The following IL11RA variants were observed in gnomAD, a reference collection of about 807,000 sequenced individuals.
The protein encoded by IL11RA is interleukin 11 receptor subunit alpha.
In IL11RA, 51 loss-of-function variants were observed where a neutral mutation model predicts 57.0. The ratio of observed to expected loss-of-function variants is 0.89; its 90% CI spans 0.71 to 1.13. IL11RA has a LOEUF of 1.13. Ranked by LOEUF, IL11RA falls within the 50% of genes most tolerant of loss-of-function variation. IL11RA has a pLI of 0.00. For synonymous variants in IL11RA, 199 were observed against 217.5 expected, an observed-to-expected ratio of 0.91 and a Z score of 0.75; for missense variants, 498 against 539.4, an observed-to-expected ratio of 0.92 and a Z score of 0.76.
In IL11RA at chr9:34,658,789, C is replaced by G. The variant is rs527871352; in HGVS notation, c.810+106C>G. The G allele has an allele frequency of 9.9e-5, 124 of 1,254,064 alleles. No individual in the cohort carries two copies. The Middle Eastern group carries it at 3.8e-3, about 38-fold the overall frequency. The allele number at this position is 1,254,064 out of a possible 1,614,324, so 77.7% of individuals were successfully genotyped here. ...CCAGTGCTGGCAGGTCACTGAAGAC[C>G]CAACACTTCCCTGTGGGCCAGGCTT... On this transcript the variant is annotated intron_variant, in intron 8 of 12. Coordinates refer to ENST00000441545, the MANE Select transcript of IL11RA (RefSeq NM_001142784.3). This position sits in a 1 kb window ranked among gnomAD's most constrained non-coding sequence, Gnocchi z 4.0.
At chr9:34,657,376 C>A (rs544846004) in intron 6 of IL11RA, 41 bp downstream of exon 6, 3 of 1,614,144 alleles carry the variant, frequency 1.9e-6, no homozygotes, top group Non-Finnish European at 2.5e-6. Context: ...AGCTGGGTCC[C>A]ACAGTAGGCA....
At position 34,658,577 on chromosome 9, in the gene IL11RA, G is replaced by A. The variant is rs771094310; in HGVS notation, c.704G>A (p.Arg235His). ...GAGTCAGTACCAGGTTACCCCCGAC[G>A]CCTGCGAGCCAGCTGGACATACCCT... The part of the protein sequence containing the change: ...RVESVPGYPR[R>H]LRASWTYPAS... The change falls in exon 8 of 13, where the codon CGC (arginine) becomes CAC (histidine). Residue 235 changes from arginine to histidine, a missense_variant. Coordinates refer to ENST00000441545, the MANE Select transcript of IL11RA (RefSeq NM_001142784.3). This position sits in a 1 kb window ranked among gnomAD's most constrained non-coding sequence, Gnocchi z 4.0. 6.2e-6 allele frequency: 10 copies of A among 1,613,976 alleles called. No homozygotes were observed. The South Asian group carries it at 9.9e-5, about 16-fold the overall frequency.
intron 8 of IL11RA, 132 bp from the exon 9 acceptor site, chr9:34,659,627 C>A: frequency 9.1e-7 from 1 of 1,095,934 alleles, no homozygotes; most frequent in East Asian, 2.4e-5. Context: ...CCACCAGACA[C>A]CCAACATGAG....
rs569145357 is a variant in IL11RA at position 34,657,446 on chromosome 9, C to T, written c.505C>T (p.Pro169Ser). The T allele has an allele frequency of 6.2e-7, 1 of 1,614,064 alleles. No homozygotes were observed. The highest frequency in any genetic ancestry group is 8.5e-7 in the Non-Finnish European group (1 of 1,180,020). Residue 169 changes from proline to serine, a missense_variant, in exon 7 of 13, where the codon CCA (proline) becomes TCA (serine). Pro to Ser is a moderately conservative substitution (Grantham distance 74, BLOSUM62 -1). Coordinates refer to ENST00000441545, the MANE Select transcript of IL11RA (RefSeq NM_001142784.3). ...QRRSPSTGPW[P>S]CPQDPLGAAR... ...GAGGAGTCCATCCACAGGGCCCTGG[C>T]CATGCCCACAGGATCCCCTAGGGGC...
intron 8 of IL11RA, 22 bp from the exon 9 acceptor site, chr9:34,659,737 A>G (rs1452047748): frequency 1.2e-6 from 2 of 1,613,966 alleles, no homozygotes; most frequent in East Asian, 4.5e-5. Flanking sequence ...GCTGGGTAAC[A>G]GTGAGTCATG....
Position 34,660,176 on chromosome 9 carries a change from G to A in IL11RA, c.953-98G>A, listed in dbSNP as rs1018283903. 24 of 1,572,382 alleles carry A rather than the reference G, an allele frequency of 1.5e-5. 1 individual carries two copies. Among genetic ancestry groups the A allele is most frequent in the Non-Finnish European group, 1.7e-5 (20 of 1,143,576 alleles). ...TGCCCTATCAGGCTCCTCCTCCTAG[G>A]TACCTTGACTTCCAACCTAGGCCTT... is the stretch of plus-strand genomic sequence containing the variant. On this transcript the variant is annotated intron_variant, in intron 9 of 12. Transcript: ENST00000441545.
Position 34,656,729 on chromosome 9 carries a change from T to A in IL11RA, c.162-10T>A. ...TGTCTTTGTCCATTGTCACCTCATC[T>A]CACTTCCAGGGACCCAGTGTCCTGG... On this transcript the variant is annotated splice_polypyrimidine_tract_variant and intron_variant, in intron 3 of 12. Coordinates refer to ENST00000441545, the MANE Select transcript of IL11RA (RefSeq NM_001142784.3). 6.2e-7 allele frequency: 1 copy of A among 1,614,154 alleles called. No individual in the cohort carries two copies. The highest frequency in any genetic ancestry group is 2.2e-5 in the East Asian group (1 of 44,884).
rs981696559 is a variant in IL11RA, at chr9:34,658,984, G to C, written c.810+301G>C. Among the ~76,000 whole-genome samples the C allele has an allele frequency of 2.0e-5, 3 of 152,092 alleles. No homozygotes were observed. Among genetic ancestry groups the C allele is most frequent in the African/African-American group, 7.2e-5 (3 of 41,416 alleles). ...CTGTCACCTAGGCTGGAGTGCAGTG[G>C]TGCAATCTCGGCTAACTGCAACCTC... On this transcript the variant is annotated intron_variant, in intron 8 of 12. Coordinates refer to ENST00000441545, the MANE Select transcript of IL11RA (RefSeq NM_001142784.3). This position sits in a 1 kb window ranked among gnomAD's most constrained non-coding sequence, Gnocchi z 4.0.
At chr9:34,659,620 C>A in intron 8 of IL11RA, 139 bp from the exon 9 acceptor site, 1 of 1,026,754 alleles carries the variant, frequency 9.7e-7, no homozygotes, top group Non-Finnish European at 1.5e-6. Flanking sequence ...CTCAGCTCCA[C>A]CAGACACCCA....
chr9:34,661,593 C>G lies in IL11RA; in HGVS notation c.*95C>G. On this transcript the variant is annotated 3_prime_UTR_variant, in exon 13 of 13. Coordinates refer to ENST00000441545, the MANE Select transcript of IL11RA (RefSeq NM_001142784.3). Reference sequence around the variant, plus strand: ...GGACAGTAGATCCCTATGGTTGGATCTCAGCTGGAAGTTCTGTTTGGAGCC... The same window carrying G: ...GGACAGTAGATCCCTATGGTTGGATGTCAGCTGGAAGTTCTGTTTGGAGCC... 7.5e-7 allele frequency: 1 copy of G among 1,341,120 alleles called. No individual in the cohort carries two copies. Among genetic ancestry groups the G allele is most frequent in the South Asian group, 1.2e-5 (1 of 85,526 alleles). The allele number at this position is 1,341,120 out of a possible 1,614,324, so 83.1% of individuals were successfully genotyped here. A position where few individuals can be genotyped will look rare whatever the true frequency, so the allele number is the denominator to read the frequency against.
At position 34,661,751 on chromosome 9, in the gene IL11RA, C is replaced by T. The variant is rs1821462110; in HGVS notation, c.*253C>T. 2.8e-6 allele frequency: 2 copies of T among 712,028 alleles called. No individual in the cohort carries two copies. Among genetic ancestry groups the T allele is most frequent in the South Asian group, 3.4e-5 (2 of 59,042 alleles). The allele number at this position is 712,028 out of a possible 1,614,324, so 44.1% of individuals were successfully genotyped here. ...TCTGTGTCCATGTGTGACCATGTGT[C>T]TGTGAGGCAGGGAACATGTATTCTC... On this transcript the variant is annotated 3_prime_UTR_variant, in exon 13 of 13. Coordinates refer to ENST00000441545, the MANE Select transcript of IL11RA (RefSeq NM_001142784.3).
chr9:34,657,798 A>G (rs1587247336), intron 7 of IL11RA, among the ~76,000 whole-genome samples: 1 of 152,286 alleles, frequency 6.6e-6, no homozygotes, highest in Middle Eastern at 3.4e-3. Flanking sequence ...GCTGCTACCC[A>G]CACTGCCTGA....
At chr9:34,657,229 T>C in intron 5 of IL11RA, 74 bp from the exon 6 acceptor site, 1 of 1,606,936 alleles carries the variant, frequency 6.2e-7, no homozygotes, top group African/African-American at 1.3e-5. Flanking sequence ...GGGAGGTAGG[T>C]TCTGAGGAAA....
chr9:34,654,180 T>C (rs1821299604), intron 1 of IL11RA, among the ~76,000 whole-genome samples: 2 of 152,028 alleles, frequency 1.3e-5, no homozygotes, highest in African/African-American at 4.8e-5. Context: ...TGCCCCTTCG[T>C]TCTCCATCCA....
At chr9:34,657,008 G>A (rs886110038) in intron 4 of IL11RA, 27 bp from the exon 5 acceptor site, 8 of 1,610,762 alleles carry the variant, frequency 5.0e-6, no homozygotes, top group Non-Finnish European at 6.8e-6. Context: ...GGACTGCTCA[G>A]TCTCCAGGTG....
chr9:34,661,807 G>C lies in IL11RA; in HGVS notation c.*309G>C. The C allele has an allele frequency of 2.1e-6, 2 of 954,348 alleles. No individual in the cohort carries two copies. Among genetic ancestry groups the C allele is most frequent in the Non-Finnish European group, 3.2e-6 (2 of 618,790 alleles). 59.1% of individuals were successfully genotyped at this position (954,348 alleles called of 1,614,324 possible). A position where few individuals can be genotyped will look rare whatever the true frequency, so the allele number is the denominator to read the frequency against. ...GCATGTATGTAGGTGCCTGGGGAGT[G>C]TGTGTGGGTCCTTGGCTCTTGGCCT... On this transcript the variant is annotated 3_prime_UTR_variant, in exon 13 of 13. Coordinates refer to ENST00000441545, the MANE Select transcript of IL11RA (RefSeq NM_001142784.3).
At chr9:34,655,747 T>C in intron 3 of IL11RA, 82 bp downstream of exon 3, 1 of 1,159,244 alleles carries the variant, frequency 8.6e-7, no homozygotes, top group South Asian at 1.3e-5. Context: ...GCCCCTCCCA[T>C]CCTTGCCCGC....
rs1045672299 is a variant in IL11RA, at chr9:34,658,623, C to T, written c.750C>T (p.Pro250=). The T allele has an allele frequency of 3.1e-6, 5 of 1,614,130 alleles. No individual in the cohort carries two copies. Among genetic ancestry groups the T allele is most frequent in the Middle Eastern group, 1.6e-4 (1 of 6,062 alleles). ...WTYPASWPCQ[P]HFLLKFRLQY... ...ACCCTGCCTCCTGGCCGTGCCAGCC[C>T]CACTTCCTGCTCAAGTTCCGTTTGC... Residue 250 remains proline (P), a synonymous_variant, in exon 8 of 13, where the codon CCC becomes CCT. Transcript: ENST00000441545. This position sits in a 1 kb window ranked among gnomAD's most constrained non-coding sequence, Gnocchi z 4.0.
intron 3 of IL11RA, chr9:34,656,034 CTTTTTT>C (rs556829448): frequency 7.8e-6 from 2 of 255,324 alleles, no homozygotes; most frequent in Non-Finnish European, 7.7e-6. Context: ...TGAGTGGTTA[CTTTTTT>C]TTTTTTTTTT....
Sources: gnomAD v4.1 joint callset for allele counts (sites outside exome capture counted in the v4.1 genomes callset) on GRCh38, gnomAD v4.1.1 for gene constraint, Gnocchi (gnomAD v3.1) non-coding constraint, MANE v1.5 for transcripts, NCBI Gene and HGNC (gene_info 2026-07-23, HGNC 2026-07-21) for gene names.